BBX: variants seen among roughly 807,000 people sequenced by gnomAD.
BBX encodes the protein HMG box transcription factor BBX.
In BBX, 30 loss-of-function variants were observed where a neutral mutation model predicts 100.2. The ratio of observed to expected loss-of-function variants is 0.30; its 90% CI spans 0.22 to 0.41. BBX has a LOEUF of 0.41. Among genes scored for constraint, BBX ranks in the 10% least tolerant of loss-of-function variants. BBX has a pLI of 1.00. For missense variants in BBX, 1,023 were observed against 1,129.8 expected (o/e 0.91, Z 1.35); for synonymous variants, 376 against 388.1 (o/e 0.97, Z 0.37).
intron 2 of BBX, among the ~76,000 whole-genome samples, chr3:107,537,004 G>A (rs1233086547): frequency 6.6e-6 from 1 of 152,166 alleles, no homozygotes; most frequent in Non-Finnish European, 1.5e-5. Flanking sequence ...GTGGCCCTGT[G>A]TTTGCCCGTT....
At chr3:107,664,288 G>A (rs771347881) in intron 3 of BBX, among the ~76,000 whole-genome samples, 10 of 152,078 alleles carry the variant, frequency 6.6e-5, no homozygotes, top group East Asian at 3.9e-4. Flanking sequence ...ATAATGCCAC[G>A]TGGATTTCCA....
chr3:107,588,378 T>C (rs990970775), intron 2 of BBX, among the ~76,000 whole-genome samples: 2 of 151,672 alleles, frequency 1.3e-5, no homozygotes, highest in Non-Finnish European at 2.9e-5. Context: ...TGGAGTGATG[T>C]GTGTAGGAGG....
In BBX at chr3:107,728,846, A is replaced by C. The variant is rs1262738960; in HGVS notation, c.487A>C (p.Thr163Pro). Residue 163 changes from threonine to proline, a missense_variant, in exon 6 of 18, where the codon ACT (threonine) becomes CCT (proline). Thr to Pro is a conservative substitution (Grantham distance 38). Transcript: ENST00000325805. ...TNKPVKSPTP[T>P]VNPRKKLWAF... ...CAAGCCTGTGAAATCCCCAACACCC[A>C]CTGTCAATCCACGAAAGAAACTTTG... The C allele has an allele frequency of 1.2e-6, 2 of 1,613,866 alleles. No individual in the cohort carries two copies. Among genetic ancestry groups the C allele is most frequent in the Non-Finnish European group, 1.7e-6 (2 of 1,179,884 alleles).
intron 3 of BBX, among the ~76,000 whole-genome samples, chr3:107,681,733 T>G (rs1339099828): frequency 6.6e-6 from 1 of 152,152 alleles, no homozygotes; most frequent in Non-Finnish European, 1.5e-5. Context: ...GAGAATAAAG[T>G]AGAATTTCCT....
At chr3:107,526,185 G>T (rs758140192) in intron 1 of BBX, 142 bp from the exon 2 acceptor site, 59 of 396,274 alleles carry the variant, frequency 1.5e-4, no homozygotes, top group Middle Eastern at 6.3e-4. Context: ...GTGTCGGGGG[G>T]TGGTAGAGAA....
chr3:107,530,482 A>T (rs887827342), intron 2 of BBX, among the ~76,000 whole-genome samples: 13 of 152,238 alleles, frequency 8.5e-5, no homozygotes, highest in Non-Finnish European at 1.5e-4. Flanking sequence ...AAAATTAAAA[A>T]TATTTTAAAA....
chr3:107,735,039 A>G (rs1401997246), intron 7 of BBX, among the ~76,000 whole-genome samples: 2 of 152,182 alleles, frequency 1.3e-5, no homozygotes, highest in African/African-American at 4.8e-5. Context: ...CTCTTTCTTC[A>G]TATTCAGTAT....
rs192403902 is a variant in BBX at position 107,529,358 on chromosome 3, C to T, written c.-84+2960C>T. ...TGAAATGGGCCTGAGTGGTATCTCTCCTGTATTTTTTGTCAGATTCCTTCT... is the reference window on the plus strand; with the variant it reads ...TGAAATGGGCCTGAGTGGTATCTCTTCTGTATTTTTTGTCAGATTCCTTCT... On this transcript the variant is annotated intron_variant, in intron 2 of 17. Coordinates refer to ENST00000325805, the MANE Select transcript of BBX (RefSeq NM_001142568.3). 9.9e-4 allele frequency among the ~76,000 whole-genome samples: 150 copies of T among 152,250 alleles called. 2 individuals are homozygous for T. The highest frequency in any genetic ancestry group is 2.1e-4 in the Non-Finnish European group (14 of 68,016).
chr3:107,631,511 G>C lies in BBX; in HGVS notation c.-83-14325G>C, dbSNP rs2056546367. 2.0e-5 allele frequency among the ~76,000 whole-genome samples: 3 copies of C among 151,026 alleles called. No homozygotes were observed. In the South Asian group the frequency reaches 6.3e-4, roughly 32 times the overall value. ...GTAAGTTTTATTCTGGCATGTTTGG[G>C]TTAAAAACCATTCTCCTTGCTTAGA... On this transcript the variant is annotated intron_variant, in intron 2 of 17. Coordinates refer to ENST00000325805, the MANE Select transcript of BBX (RefSeq NM_001142568.3).
intron 9 of BBX, among the ~76,000 whole-genome samples, chr3:107,755,308 T>C (rs1239565568): frequency 1.3e-5 from 2 of 152,224 alleles, no homozygotes; most frequent in Non-Finnish European, 2.9e-5. Flanking sequence ...TAAGTAGAAA[T>C]TGAAATGCAT....
At chr3:107,608,582 T>G (rs547924627) in intron 2 of BBX, among the ~76,000 whole-genome samples, 3 of 152,286 alleles carry the variant, frequency 2.0e-5, no homozygotes, top group African/African-American at 7.2e-5. Flanking sequence ...TTAGGAATTT[T>G]TTTTCTATTT....
chr3:107,674,809 C>G (rs2059200526), intron 3 of BBX: 2 of 152,576 alleles, frequency 1.3e-5, no homozygotes, highest in South Asian at 4.1e-4. Flanking sequence ...AAAGCCTTTG[C>G]TAAGAGGTAG....
chr3:107,530,645 A>G (rs2048095647), intron 2 of BBX, among the ~76,000 whole-genome samples: 1 of 152,198 alleles, frequency 6.6e-6, no homozygotes, highest in African/African-American at 2.4e-5. Context: ...TAAAAGGCCA[A>G]TAACCTACTT....
At position 107,541,162 on chromosome 3, in the gene BBX, T is replaced by C. The variant is rs772293598; in HGVS notation, c.-84+14764T>C. On this transcript the variant is annotated intron_variant, in intron 2 of 17. Coordinates refer to ENST00000325805, the MANE Select transcript of BBX (RefSeq NM_001142568.3). ...GTATAACCATGCTCTTAGGTAGGTG[T>C]CCTTATTCCCATTTTACAGATGAAG... 3.3e-5 allele frequency among the ~76,000 whole-genome samples: 5 copies of C among 152,194 alleles called. 1 individual carries two copies. Among genetic ancestry groups the C allele is most frequent in the Admixed American group, 2.0e-4 (3 of 15,278 alleles).
intron 5 of BBX, among the ~76,000 whole-genome samples, chr3:107,718,109 T>C (rs1265975937): frequency 1.3e-5 from 2 of 150,874 alleles, no homozygotes; most frequent in Non-Finnish European, 3.0e-5. Context: ...CTTAAGAAAG[T>C]TTCATGGAAA....
At position 107,694,880 on chromosome 3, in the gene BBX, A is replaced by C. The variant is rs989444487; in HGVS notation, c.-9-15572A>C. ...TATTGCCACAATTTCAGCTCCTGTT[A>C]TTGGTCTATTCAGAGATTCAACTTC... On this transcript the variant is annotated intron_variant, in intron 3 of 17. Transcript: ENST00000325805. 1.1e-4 allele frequency among the ~76,000 whole-genome samples: 17 copies of C among 151,596 alleles called. No individual in the cohort carries two copies. In the East Asian group the frequency reaches 3.3e-3, roughly 29 times the overall value.
At chr3:107,791,388 G>A (rs773358850) in intron 15 of BBX, 89 bp downstream of exon 15, 74 of 1,110,904 alleles carry the variant, frequency 6.7e-5, no homozygotes, top group Non-Finnish European at 9.0e-5. Context: ...AATTTATATA[G>A]GTTTAAACAA....
intron 2 of BBX, among the ~76,000 whole-genome samples, chr3:107,570,280 T>C (rs2051254111): frequency 6.6e-6 from 1 of 152,144 alleles, no homozygotes; most frequent in Non-Finnish European, 1.5e-5. Flanking sequence ...ACCTTGAAGG[T>C]GAGGTTAATT....
intron 3 of BBX, among the ~76,000 whole-genome samples, chr3:107,674,320 G>A (rs189700303): frequency 1.3e-5 from 2 of 152,178 alleles, no homozygotes; most frequent in Non-Finnish European, 1.5e-5. Context: ...CACACACATT[G>A]TAGGATTCCT....
Sources: allele counts gnomAD v4.1 joint callset (sites outside exome capture counted in the v4.1 genomes callset), GRCh38; gene constraint gnomAD v4.1.1; transcripts MANE v1.5; gene names NCBI Gene and HGNC (gene_info 2026-07-23, HGNC 2026-07-21).